Variants in EPHA6 observed in about 807,000 individuals in gnomAD.
EPHA6 encodes the protein EPH receptor A6, also known as ephrin type-A receptor 6.
Under a neutral mutation model 112.0 loss-of-function variants are expected in EPHA6, and 50 were observed. The ratio of observed to expected loss-of-function variants is 0.45; its 90% CI spans 0.36 to 0.56. The LOEUF is 0.56. EPHA6 is among the 20% of genes least tolerant of loss of function. The pLI, the probability that EPHA6 is intolerant of heterozygous loss-of-function variation, is 0.00. For synonymous variants in EPHA6, 529 were observed against 490.7 expected (o/e 1.08, Z -1.03); for missense variants, 1,280 against 1,417.4 (o/e 0.90, Z 1.56).
At chr3:96,915,636 G>T (rs1015964728) in intron 2 of EPHA6, among the ~76,000 whole-genome samples, 5 of 152,046 alleles carry the variant, frequency 3.3e-5, no homozygotes, top group African/African-American at 1.2e-4. Flanking sequence ...GTGAGTCAGG[G>T]TTTAAATAAA....
intron 2 of EPHA6, among the ~76,000 whole-genome samples, chr3:96,966,247 C>T (rs187640632): frequency 6.6e-6 from 1 of 152,014 alleles, no homozygotes; most frequent in African/African-American, 2.4e-5. Flanking sequence ...TAAAGTATCC[C>T]ATCATTAATA....
chr3:97,470,814 G>T (rs1418717417), intron 7 of EPHA6, among the ~76,000 whole-genome samples: 1 of 151,540 alleles, frequency 6.6e-6, no homozygotes, highest in South Asian at 2.1e-4. Context: ...ATCATAGAAT[G>T]AAATATATCA....
At chr3:97,341,605 G>A (rs912517852) in intron 5 of EPHA6, among the ~76,000 whole-genome samples, 6 of 151,968 alleles carry the variant, frequency 3.9e-5, no homozygotes, top group African/African-American at 9.6e-5. Context: ...CACCTGCCTC[G>A]GGCTCCCAAA....
chr3:97,069,088 A>G lies in EPHA6; in HGVS notation c.1114+81095A>G, dbSNP rs77905541. Reference sequence around the variant, plus strand: ...AGGTGCTGTTGCCTGCACAGTTGAAAATTCACATGTAACTTGTGACTACCC... The same window carrying G: ...AGGTGCTGTTGCCTGCACAGTTGAAGATTCACATGTAACTTGTGACTACCC... On this transcript the variant is annotated intron_variant, in intron 3 of 17. Coordinates refer to ENST00000389672, the MANE Select transcript of EPHA6 (RefSeq NM_001080448.3). Among the ~76,000 whole-genome samples the G allele has an allele frequency of 5.0e-3, 756 of 152,224 alleles. 6 individuals carry two copies. Among genetic ancestry groups the G allele is most frequent in the African/African-American group, 0.016 (663 of 41,542 alleles).
chr3:97,692,070 T>C, intron 14 of EPHA6, among the ~76,000 whole-genome samples: 1 of 152,202 alleles, frequency 6.6e-6, no homozygotes, highest in South Asian at 2.1e-4. Flanking sequence ...ATAGTGATCA[T>C]GGCCCTAAGA....
chr3:97,636,080 C>T (rs957103108), intron 13 of EPHA6, among the ~76,000 whole-genome samples: 1 of 152,050 alleles, frequency 6.6e-6, no homozygotes, highest in Non-Finnish European at 1.5e-5. Context: ...GTGATTCTCC[C>T]TGCAATTCCA....
Position 97,270,571 on chromosome 3 carries a change from AGCAACTCCAT to A in EPHA6, c.1606+26285_1606+26294del, listed in dbSNP as rs1419567377. Among the ~76,000 whole-genome samples the A allele has an allele frequency of 2.0e-5, 3 of 152,210 alleles. No individual in the cohort carries two copies. The East Asian group carries it at 5.8e-4, about 29-fold the overall frequency. ...TTGCCTAAAACAATACAATCTTCTGAGCAACTCCATTCTGCCTTTTTGACAGATAAGGTTT... is the reference window on the plus strand; with the variant it reads ...TTGCCTAAAACAATACAATCTTCTGATCTGCCTTTTTGACAGATAAGGTTT... On this transcript the variant is annotated intron_variant, in intron 5 of 17. Coordinates refer to ENST00000389672, the MANE Select transcript of EPHA6 (RefSeq NM_001080448.3).
intron 2 of EPHA6, among the ~76,000 whole-genome samples, chr3:96,877,069 G>C (rs2037004560): frequency 6.6e-6 from 1 of 152,096 alleles, no homozygotes; most frequent in Non-Finnish European, 1.5e-5. Context: ...TGGCTGGATA[G>C]CTAAGTAGAT....
intron 14 of EPHA6, among the ~76,000 whole-genome samples, chr3:97,710,169 C>T (rs991284896): frequency 6.6e-6 from 1 of 152,178 alleles, no homozygotes; most frequent in African/African-American, 2.4e-5. Context: ...CAGCCCCATC[C>T]TTTCCCTAGA....
intron 14 of EPHA6, among the ~76,000 whole-genome samples, chr3:97,656,114 A>G (rs960572786): frequency 6.6e-6 from 1 of 151,978 alleles, no homozygotes; most frequent in East Asian, 1.9e-4. Flanking sequence ...TTATAAAACT[A>G]TAGAAAGAAA....
At chr3:97,456,376 T>G (rs9863117) in intron 7 of EPHA6, among the ~76,000 whole-genome samples, 2,419 of 152,198 alleles carry the variant, frequency 0.016, 76 homozygotes, top group African/African-American at 0.055. Context: ...CTTATTCATC[T>G]TATAACTGAA....
At chr3:97,733,016 C>T (rs535218920) in intron 15 of EPHA6, among the ~76,000 whole-genome samples, 29 of 152,008 alleles carry the variant, frequency 1.9e-4, no homozygotes, top group African/African-American at 4.6e-4. Flanking sequence ...ACAGAGAGGC[C>T]GGGACCACAT....
intron 15 of EPHA6, among the ~76,000 whole-genome samples, chr3:97,731,640 C>T (rs9289442): frequency 0.98 from 149,306 of 152,136 alleles, 73,285 homozygotes; most frequent in East Asian, 0.99. Context: ...TGAGGTTTGG[C>T]TTTCTTACCT....
At chr3:97,267,527 G>A (rs1199314814) in intron 5 of EPHA6, among the ~76,000 whole-genome samples, 2 of 151,906 alleles carry the variant, frequency 1.3e-5, no homozygotes, top group African/African-American at 4.8e-5. Flanking sequence ...AATAAATATT[G>A]GTTGACTAAA....
chr3:97,391,143 A>G (rs907395184), intron 5 of EPHA6, among the ~76,000 whole-genome samples: 3 of 151,746 alleles, frequency 2.0e-5, no homozygotes, highest in Admixed American at 6.6e-5. Flanking sequence ...ACTTTTTTAC[A>G]TTAATTCTAC....
At chr3:96,917,755 A>C (rs1000488633) in intron 2 of EPHA6, among the ~76,000 whole-genome samples, 1 of 152,192 alleles carries the variant, frequency 6.6e-6, no homozygotes, top group African/African-American at 2.4e-5. Flanking sequence ...AGGGAAAAAA[A>C]AAATGTCTCA....
intron 3 of EPHA6, among the ~76,000 whole-genome samples, chr3:97,183,291 C>G (rs932193974): frequency 5.3e-5 from 8 of 151,944 alleles, no homozygotes; most frequent in African/African-American, 1.9e-4. Context: ...AAATTAAGTA[C>G]AATTCCATAA....
chr3:97,301,885 A>T (rs1238205375), intron 5 of EPHA6, among the ~76,000 whole-genome samples: 1 of 152,094 alleles, frequency 6.6e-6, no homozygotes, highest in Non-Finnish European at 1.5e-5. Context: ...TATATTGAGC[A>T]ACACATAGCT....
intron 1 of EPHA6, among the ~76,000 whole-genome samples, chr3:96,836,229 T>A (rs1000647064): frequency 6.6e-6 from 1 of 152,116 alleles, no homozygotes; most frequent in Non-Finnish European, 1.5e-5. Flanking sequence ...TTTAGTCCAT[T>A]AATATTTAAC....
Sources: allele counts gnomAD v4.1 joint callset (sites outside exome capture counted in the v4.1 genomes callset), GRCh38; gene constraint gnomAD v4.1.1; transcripts MANE v1.5; gene names NCBI Gene and HGNC (gene_info 2026-07-23, HGNC 2026-07-21).